Variants in PSIP1 observed in about 807,000 individuals in gnomAD.
PSIP1 encodes the protein PC4 and SFRS1-interacting protein.
In PSIP1, 19 loss-of-function variants were observed where a neutral mutation model predicts 74.7. The ratio of observed to expected loss-of-function variants is 0.25; its 90% CI spans 0.18 to 0.37. PSIP1 has a LOEUF of 0.37. Among genes scored for constraint, PSIP1 ranks in the 10% least tolerant of loss-of-function variants. The pLI is 1.00. For missense variants in PSIP1, 601 were observed against 614.3 expected (o/e 0.98, Z 0.23); for synonymous variants, 222 against 195.3 (o/e 1.14, Z -1.14).
intron 1 of PSIP1, among the ~76,000 whole-genome samples, 199 bp downstream of exon 1, chr9:15,510,618 G>A (rs571933078): frequency 6.6e-6 from 1 of 152,248 alleles, no homozygotes; most frequent in South Asian, 2.1e-4. Flanking sequence ...GGGAGGGGGT[G>A]CATGGGAGAG....
Position 15,482,172 on chromosome 9 carries a change from T to C in PSIP1, c.457-2485A>G, listed in dbSNP as rs111558959. On this transcript the variant is annotated intron_variant, in intron 6 of 15. Coordinates refer to ENST00000380733, the MANE Select transcript of PSIP1 (RefSeq NM_033222.5). Reference sequence around the variant, plus strand: ...CTCATGGGATTACTATTCAAATGTATTCATAAGTCCTCCACATCCTTGTTT... The same window carrying C: ...CTCATGGGATTACTATTCAAATGTACTCATAAGTCCTCCACATCCTTGTTT... Among the ~76,000 whole-genome samples the C allele has an allele frequency of 7.2e-5, 11 of 152,284 alleles. 2 individuals carry two copies. The highest frequency in any genetic ancestry group is 2.6e-4 in the African/African-American group (11 of 41,564).
intron 3 of PSIP1, among the ~76,000 whole-genome samples, chr9:15,493,868 T>C (rs73423305): frequency 0.097 from 14,771 of 152,108 alleles, 2,414 homozygotes; most frequent in African/African-American, 0.34. Context: ...ATTCGAGGTG[T>C]AATTTGGGTG....
Position 15,472,645 on chromosome 9 carries a change from T to C in PSIP1, c.964A>G (p.Met322Val). The C allele has an allele frequency of 6.2e-7, 1 of 1,600,642 alleles. No individual in the cohort carries two copies. Among genetic ancestry groups the C allele is most frequent in the Non-Finnish European group, 8.5e-7 (1 of 1,176,820 alleles). ...ADRKRKQEEQ[M>V]ETEQQNKDEG... is the part of the protein sequence containing the mutation. ...AAAAATACTTACTGCTCAGTTTCCA[T>C]TTGTTCCTCTTGCTTGCGTTTTCGA... Residue 322 changes from methionine to valine, a missense_variant, in exon 10 of 16, where the codon ATG becomes GTG. Met to Val is a conservative substitution (Grantham distance 21). Transcript: ENST00000380733.
In PSIP1 at chr9:15,470,884, G is replaced by A. The variant is rs949794455; in HGVS notation, c.978-891C>T. Reference sequence around the variant, plus strand: ...TGAATAATGTACAACCACCATCTTCGTCTGAGCTTGTTATTACTTTCAAAC... The same window carrying A: ...TGAATAATGTACAACCACCATCTTCATCTGAGCTTGTTATTACTTTCAAAC... On this transcript the variant is annotated intron_variant, in intron 10 of 15. Transcript: ENST00000380733. 46 of 1,078,678 alleles carry A rather than the reference G, an allele frequency of 4.3e-5. No individual in the cohort carries two copies. The African/African-American group carries it at 5.3e-4, about 12-fold the overall frequency. 66.8% of individuals were successfully genotyped at this position (1,078,678 alleles called of 1,614,324 possible). A position where few individuals can be genotyped will look rare whatever the true frequency, so the allele number is the denominator to read the frequency against.
At chr9:15,480,655 C>G (rs2036296625) in intron 6 of PSIP1, among the ~76,000 whole-genome samples, 1 of 152,198 alleles carries the variant, frequency 6.6e-6, no homozygotes, top group Non-Finnish European at 1.5e-5. Context: ...GACACAGTGG[C>G]TCACGCCTGT....
intron 14 of PSIP1, among the ~76,000 whole-genome samples, chr9:15,467,889 G>A (rs534520791): frequency 2.0e-5 from 3 of 152,092 alleles, no homozygotes; most frequent in Admixed American, 6.5e-5. Context: ...GGGAAGCCAC[G>A]GCAGGTGGAT....
intron 6 of PSIP1, 71 bp downstream of exon 6, chr9:15,485,935 T>C: frequency 1.5e-6 from 2 of 1,317,298 alleles, no homozygotes; most frequent in South Asian, 1.3e-5. Flanking sequence ...TCATTGTATC[T>C]ACTCTCCCTC....
In PSIP1 at chr9:15,510,246, C is replaced by T; in HGVS notation, c.-58G>A. 1.3e-6 allele frequency: 2 copies of T among 1,533,466 alleles called. No homozygotes were observed. Among genetic ancestry groups the T allele is most frequent in the Non-Finnish European group, 8.9e-7 (1 of 1,126,176 alleles). The allele number at this position is 1,533,466 out of a possible 1,614,324, so 95.0% of individuals were successfully genotyped here. On this transcript the variant is annotated 5_prime_UTR_variant, in exon 2 of 16. Coordinates refer to ENST00000380733, the MANE Select transcript of PSIP1 (RefSeq NM_033222.5). The stretch of plus-strand genomic sequence containing the variant: ...GGGAGGCGGCGAGGAGATGCGGCGG[C>T]GCGGGGATGCGGGCGGCGGACGCGG...
At chr9:15,494,363 TG>T (rs1404454922) in intron 3 of PSIP1, among the ~76,000 whole-genome samples, 1 of 151,998 alleles carries the variant, frequency 6.6e-6, no homozygotes, top group Non-Finnish European at 1.5e-5. Context: ...GTCAGGCGTT[TG>T]AAACCAGCCT....
At chr9:15,480,519 A>C (rs1470217589) in intron 6 of PSIP1, among the ~76,000 whole-genome samples, 1 of 152,248 alleles carries the variant, frequency 6.6e-6, no homozygotes, top group South Asian at 2.1e-4. Flanking sequence ...AAGCATGTGG[A>C]GAATCATTCA....
chr9:15,510,198 G>T lies in PSIP1; in HGVS notation c.-10C>A. 6.2e-7 allele frequency: 1 copy of T among 1,602,494 alleles called. No individual in the cohort carries two copies. On this transcript the variant is annotated 5_prime_UTR_variant, in exon 2 of 16. Coordinates refer to ENST00000380733, the MANE Select transcript of PSIP1 (RefSeq NM_033222.5). ...TGAAATCGCGAGTCATGTTTCGGGG[G>T]CGAGACCGGGGGTCCGAAGCCCGGG...
intron 3 of PSIP1, among the ~76,000 whole-genome samples, chr9:15,503,660 C>CAA (rs1180947898): frequency 2.5e-5 from 3 of 120,976 alleles, no homozygotes; most frequent in Admixed American, 8.3e-5. Flanking sequence ...ACTCTGTCTC[C>CAA]AAAAAAAAAA....
chr9:15,472,062 T>C (rs1304097338), intron 10 of PSIP1: 10 of 977,454 alleles, frequency 1.0e-5, no homozygotes, highest in African/African-American at 3.5e-5. Context: ...GGGAAAGAAA[T>C]TCCCCATGGC....
chr9:15,481,740 T>C (rs951813788), intron 6 of PSIP1, among the ~76,000 whole-genome samples: 33 of 152,044 alleles, frequency 2.2e-4, no homozygotes, highest in African/African-American at 8.0e-4. Context: ...TACCAATAAG[T>C]GTAACAAGTT....
chr9:15,503,931 G>A (rs1473829835), intron 3 of PSIP1, among the ~76,000 whole-genome samples: 1 of 152,088 alleles, frequency 6.6e-6, no homozygotes. Flanking sequence ...ATTTTCAGTA[G>A]AGATGGGGTT....
intron 14 of PSIP1, among the ~76,000 whole-genome samples, chr9:15,467,247 T>C (rs1478316982): frequency 4.6e-5 from 7 of 152,242 alleles, no homozygotes; most frequent in Admixed American, 1.3e-4. Context: ...AATCAAATTT[T>C]AAAATTTACT....
chr9:15,501,187 C>G (rs547522964), intron 3 of PSIP1, among the ~76,000 whole-genome samples: 1 of 151,948 alleles, frequency 6.6e-6, no homozygotes, highest in Non-Finnish European at 1.5e-5. Flanking sequence ...CAAAAACAAA[C>G]TTCTGATCTA....
chr9:15,496,301 A>C (rs1156839053), intron 3 of PSIP1, among the ~76,000 whole-genome samples: 1 of 152,206 alleles, frequency 6.6e-6, no homozygotes, highest in African/African-American at 2.4e-5. Context: ...AAAGCTAAGG[A>C]CTGCCTATAT....
intron 15 of PSIP1, 140 bp downstream of exon 15, chr9:15,466,608 T>C: frequency 1.6e-6 from 1 of 621,878 alleles, no homozygotes; most frequent in Admixed American, 3.9e-5. Flanking sequence ...CCTTTTTGAA[T>C]TGTAACTTGC....
Sources: allele counts gnomAD v4.1 joint callset (sites outside exome capture counted in the v4.1 genomes callset), GRCh38; gene constraint gnomAD v4.1.1; transcripts MANE v1.5; gene names NCBI Gene and HGNC (gene_info 2026-07-23, HGNC 2026-07-21).